The following NUB1 variants were observed in gnomAD, a reference collection of about 807,000 sequenced individuals.
NUB1 encodes the protein negative regulator of ubiquitin like proteins 1.
In NUB1, 41 loss-of-function variants were observed where a neutral mutation model predicts 77.1. The ratio of observed to expected loss-of-function variants is 0.53; its 90% CI spans 0.41 to 0.69. NUB1 has a LOEUF of 0.69. NUB1 is among the 30% of genes least tolerant of loss of function. NUB1 has a pLI of 0.00. For missense variants in NUB1, 643 were observed against 743.8 expected (o/e 0.86, Z 1.58); for synonymous variants, 257 against 281.0 (o/e 0.91, Z 0.85).
chr7:151,367,070 A>G lies in NUB1; in HGVS notation c.932A>G (p.Gln311Arg), dbSNP rs1430873547. 1 of 1,613,934 alleles carries G rather than the reference A, an allele frequency of 6.2e-7. No individual in the cohort carries two copies. Among genetic ancestry groups the G allele is most frequent in the Admixed American group, 1.7e-5 (1 of 60,018 alleles). The change falls in exon 9 of 15, where the codon CAG (glutamine) becomes CGG (arginine). Residue 311 changes from glutamine to arginine, a missense_variant. By Grantham distance (43) the Gln-to-Arg change is conservative. Coordinates refer to ENST00000568733, the MANE Select transcript of NUB1 (RefSeq NM_001243351.2). Reference sequence around the variant, plus strand: ...GCAGAAAAAAAATTAAACTTGGCCCAGAAATGCTTTAAAAATTGTTACGGA... The same window carrying G: ...GCAGAAAAAAAATTAAACTTGGCCCGGAAATGCTTTAAAAATTGTTACGGA... ...DDAEKKLNLA[Q>R]KCFKNCYGEN...
chr7:151,358,215 GC>G (rs1797180317), intron 7 of NUB1, among the ~76,000 whole-genome samples: 1 of 149,044 alleles, frequency 6.7e-6, no homozygotes, highest in African/African-American at 2.5e-5. Context: ...CTCGTGATCC[GC>G]CTGCCTCGGC....
chr7:151,367,555 C>G (rs1215405219), intron 9 of NUB1, among the ~76,000 whole-genome samples: 2 of 152,212 alleles, frequency 1.3e-5, no homozygotes, highest in East Asian at 1.9e-4. Flanking sequence ...CCTGCTGATG[C>G]AGACTCTCTG....
chr7:151,354,543 A>G (rs577427102), intron 5 of NUB1, among the ~76,000 whole-genome samples: 1 of 152,134 alleles, frequency 6.6e-6, no homozygotes, highest in African/African-American at 2.4e-5. Flanking sequence ...TGCATCTTTG[A>G]CATAATTTTT....
At chr7:151,351,784 A>G (rs1267991409) in intron 4 of NUB1, among the ~76,000 whole-genome samples, 1 of 152,140 alleles carries the variant, frequency 6.6e-6, no homozygotes, top group African/African-American at 2.4e-5. Context: ...TGAGTGATAC[A>G]AGCAGGAGAC....
intron 8 of NUB1, among the ~76,000 whole-genome samples, chr7:151,362,191 A>G (rs533355484): frequency 1.3e-5 from 2 of 152,316 alleles, no homozygotes; most frequent in South Asian, 2.1e-4. Flanking sequence ...GGTAAGTGGT[A>G]GGTATAATAA....
chr7:151,351,263 G>T (rs1345467125), intron 3 of NUB1, 161 bp from the exon 4 acceptor site: 1 of 646,708 alleles, frequency 1.5e-6, no homozygotes. Context: ...GGGTCAGCCT[G>T]TGCTGGGTTA....
chr7:151,364,235 C>T (rs1797530445), intron 8 of NUB1, among the ~76,000 whole-genome samples: 1 of 150,636 alleles, frequency 6.6e-6, no homozygotes. Flanking sequence ...TCCTGGCTAA[C>T]AGGGCGAAAC....
At chr7:151,350,820 A>G (rs1796759939) in intron 3 of NUB1, among the ~76,000 whole-genome samples, 1 of 152,186 alleles carries the variant, frequency 6.6e-6, no homozygotes. Context: ...TAGCAACACT[A>G]TTCAGTAGCT....
chr7:151,373,543 G>A (rs1277473011), intron 11 of NUB1, among the ~76,000 whole-genome samples: 2 of 152,200 alleles, frequency 1.3e-5, no homozygotes, highest in Non-Finnish European at 2.9e-5. Flanking sequence ...TGTGGGTTCC[G>A]AATGGAATGA....
intron 8 of NUB1, among the ~76,000 whole-genome samples, chr7:151,364,240 C>T (rs1317293878): frequency 7.3e-5 from 11 of 149,862 alleles, no homozygotes; most frequent in Non-Finnish European, 1.5e-4. Context: ...GCTAACAGGG[C>T]GAAACCCCGT....
At position 151,351,407 on chromosome 7, in the gene NUB1, T is replaced by C. The variant is rs1796789200; in HGVS notation, c.286-17T>C. 3.1e-6 allele frequency: 5 copies of C among 1,590,248 alleles called. No individual in the cohort carries two copies. In the African/African-American group the frequency reaches 5.4e-5, roughly 17 times the overall value. On this transcript the variant is annotated splice_polypyrimidine_tract_variant and intron_variant, in intron 3 of 14. Coordinates refer to ENST00000568733, the MANE Select transcript of NUB1 (RefSeq NM_001243351.2). ...GGTTAAATTCAAGTACGTTTTACTTTGTCTTATTTTTAACAGGATAGGAAA... is the reference window on the plus strand; with the variant it reads ...GGTTAAATTCAAGTACGTTTTACTTCGTCTTATTTTTAACAGGATAGGAAA...
chr7:151,344,755 G>A (rs1034584158), intron 1 of NUB1, among the ~76,000 whole-genome samples: 9 of 152,128 alleles, frequency 5.9e-5, no homozygotes, highest in East Asian at 1.9e-4. Flanking sequence ...TAATCCCAGC[G>A]TTTTGAGACC....
At position 151,355,872 on chromosome 7, in the gene NUB1, G is replaced by A. The variant is rs750533197; in HGVS notation, c.520G>A (p.Glu174Lys). 14 of 1,613,664 alleles carry A rather than the reference G, an allele frequency of 8.7e-6. No individual in the cohort carries two copies. Among genetic ancestry groups the A allele is most frequent in the East Asian group, 2.2e-5 (1 of 44,894 alleles). Reference protein sequence around the residue: ...DARKNFQLEEEEQNEAKLKEK... With the variant: ...DARKNFQLEEKEQNEAKLKEK... ...GAGGAAAAACTTCCAGTTAGAGGAA[G>A]AGGAGCAAAATGAGGCCAAACTCAA... The change falls in exon 6 of 15, where the codon GAG becomes AAG. Residue 174 changes from glutamate to lysine, a missense_variant. Physicochemically the swap from Glu to Lys is moderately conservative, Grantham distance 56. Coordinates refer to ENST00000568733, the MANE Select transcript of NUB1 (RefSeq NM_001243351.2).
chr7:151,363,665 GA>G (rs549306742), intron 8 of NUB1, among the ~76,000 whole-genome samples: 208 of 152,018 alleles, frequency 1.4e-3, no homozygotes, highest in African/African-American at 4.8e-3. Context: ...AGAAATATCA[GA>G]AAAAAACTAC....
chr7:151,352,087 C>G (rs1349727990), intron 4 of NUB1: 1 of 456,550 alleles, frequency 2.2e-6, no homozygotes, highest in Non-Finnish European at 4.4e-6. Flanking sequence ...CTTTGGTCTA[C>G]ATCAGGGCTG....
Position 151,355,844 on chromosome 7 carries a change from C to T in NUB1, c.492C>T (p.Asp164=), listed in dbSNP as rs555108702. 2.9e-5 allele frequency: 46 copies of T among 1,612,404 alleles called. No homozygotes were observed. Among genetic ancestry groups the T allele is most frequent in the South Asian group, 2.8e-4 (25 of 90,772 alleles). Residue 164 remains aspartate, a synonymous_variant, in exon 6 of 15, where the codon GAC becomes GAT. Transcript: ENST00000568733. ...TTGAACTAAAACAATCTGAAGAGGA[C>T]GCGAGGAAAAACTTCCAGTTAGAGG... ...MVLELKQSEE[D]ARKNFQLEEE...
chr7:151,360,304 C>T, intron 8 of NUB1, 57 bp downstream of exon 8: 3 of 880,204 alleles, frequency 3.4e-6, no homozygotes, highest in Non-Finnish European at 3.7e-6. Context: ...CCAGACTATA[C>T]AGAACACCCT....
At chr7:151,376,961 G>A in intron 14 of NUB1, 86 bp from the exon 15 acceptor site, 1 of 1,406,734 alleles carries the variant, frequency 7.1e-7, no homozygotes. Context: ...CCAGCAAGAG[G>A]CACAGTCTGA....
intron 11 of NUB1, among the ~76,000 whole-genome samples, chr7:151,369,890 A>G (rs1797878929): frequency 6.6e-6 from 1 of 152,314 alleles, no homozygotes; most frequent in East Asian, 1.9e-4. Context: ...TGGGAGCAGG[A>G]AAGCCCCGTG....
Sources: allele counts gnomAD v4.1 joint callset (sites outside exome capture counted in the v4.1 genomes callset), GRCh38; gene constraint gnomAD v4.1.1; transcripts MANE v1.5; gene names NCBI Gene and HGNC (gene_info 2026-07-23, HGNC 2026-07-21).